The following SV2C variants were observed in gnomAD, a reference collection of about 807,000 sequenced individuals.
SV2C encodes the protein solute carrier family 22 member B3.
A neutral mutation model predicts 79.7 loss-of-function variants in SV2C; 49 were observed. The ratio of observed to expected loss-of-function variants is 0.61; its 90% CI spans 0.49 to 0.78. The LOEUF is 0.78. SV2C is among the 30% of genes least tolerant of loss of function. The probability of loss-of-function intolerance (pLI) is 0.00; values close to 1 mark genes in which losing one functional copy is unlikely to be tolerated. For missense variants in SV2C, 833 were observed against 912.9 expected (o/e 0.91, Z 1.13); for synonymous variants, 334 against 333.2 (o/e 1.00, Z -0.03).
chr5:76,245,928 G>A (rs1279340627), intron 4 of SV2C, among the ~76,000 whole-genome samples: 1 of 140,254 alleles, frequency 7.1e-6, no homozygotes, highest in African/African-American at 3.1e-5. Context: ...GTGTGTGTGT[G>A]TGTGTGTATG....
chr5:76,297,649 CATT>C (rs983679867), intron 9 of SV2C, among the ~76,000 whole-genome samples: 2 of 151,990 alleles, frequency 1.3e-5, no homozygotes, highest in African/African-American at 2.4e-5. Context: ...GAAACGAGAT[CATT>C]ATTATTATTT....
intron 1 of SV2C, among the ~76,000 whole-genome samples, chr5:76,094,454 G>A (rs758874191): frequency 6.0e-4 from 91 of 151,902 alleles, no homozygotes; most frequent in Admixed American, 1.4e-3. Context: ...TTTTAACACC[G>A]TATTTTTGAA....
At chr5:75,934,837 A>C in the SV2C span, among the ~76,000 whole-genome samples, 6 of 151,512 alleles carry the variant, frequency 4.0e-5, no homozygotes, top group Admixed American at 3.9e-4. Flanking sequence ...AGTAGTGAGC[A>C]CATATTGATG....
chr5:75,955,552 A>C, the SV2C span, among the ~76,000 whole-genome samples: 6 of 146,852 alleles, frequency 4.1e-5, no homozygotes, highest in East Asian at 2.0e-4. Flanking sequence ...AATGGGATCT[A>C]ATTAAACTAA....
At chr5:75,848,523 G>A in the SV2C span, among the ~76,000 whole-genome samples, 6 of 152,206 alleles carry the variant, frequency 3.9e-5, no homozygotes, top group Non-Finnish European at 7.3e-5. Context: ...AATTGGTTGC[G>A]AGGAGAATCA....
At chr5:75,856,880 T>C in the SV2C span, among the ~76,000 whole-genome samples, 1 of 152,104 alleles carries the variant, frequency 6.6e-6, no homozygotes, top group Non-Finnish European at 1.5e-5. Flanking sequence ...CAGATCAATG[T>C]CCTGGAGAGG....
Position 76,126,720 on chromosome 5 carries a change from G to A in SV2C, c.-101-4930G>A, listed in dbSNP as rs113802391. Among the ~76,000 whole-genome samples the A allele has an allele frequency of 8.6e-3, 1,304 of 152,094 alleles. 21 individuals carry two copies. The highest frequency in any genetic ancestry group is 0.029 in the African/African-American group (1,191 of 41,466). ...ATCTGCAAGTACTTTAGAAGAGCCC[G>A]AGTCTGCTGGCATGGGGGCTGCCTT... On this transcript the variant is annotated intron_variant, in intron 1 of 12. Transcript: ENST00000502798.
intron 4 of SV2C, 39 bp downstream of exon 4, chr5:76,209,926 A>AT: frequency 6.4e-7 from 1 of 1,574,230 alleles, no homozygotes; most frequent in Non-Finnish European, 8.6e-7. Flanking sequence ...CAGTCACTTC[A>AT]TTTTGCTTCA....
At chr5:76,243,965 C>T (rs1185885213) in intron 4 of SV2C, among the ~76,000 whole-genome samples, 2 of 152,196 alleles carry the variant, frequency 1.3e-5, no homozygotes, top group African/African-American at 4.8e-5. Flanking sequence ...TCTCAAACAT[C>T]CACAGGGACC....
chr5:76,301,632 G>C lies in SV2C; in HGVS notation c.2000+87G>C. Reference sequence around the variant, plus strand: ...ATTTTAAAACAACCCAAACTGGCTGGGCACGGTAGCTTATGCCTGTAATCC... The same window carrying C: ...ATTTTAAAACAACCCAAACTGGCTGCGCACGGTAGCTTATGCCTGTAATCC... On this transcript the variant is annotated intron_variant, in intron 12 of 12. Coordinates refer to ENST00000502798, the MANE Select transcript of SV2C (RefSeq NM_014979.4). 2.7e-6 allele frequency: 4 copies of C among 1,480,790 alleles called. No individual in the cohort carries two copies. The South Asian group carries it at 5.3e-5, about 19-fold the overall frequency. The allele number at this position is 1,480,790 out of a possible 1,614,324, so 91.7% of individuals were successfully genotyped here.
intron 2 of SV2C, among the ~76,000 whole-genome samples, chr5:76,135,442 A>G (rs529132452): frequency 6.6e-6 from 1 of 152,100 alleles, no homozygotes; most frequent in African/African-American, 2.4e-5. Context: ...TGGAGGAGGA[A>G]TCATTAAGGA....
At chr5:76,097,625 T>C (rs138403183) in intron 1 of SV2C, among the ~76,000 whole-genome samples, 34 of 152,344 alleles carry the variant, frequency 2.2e-4, no homozygotes, top group African/African-American at 7.9e-4. Flanking sequence ...TAAATTTATG[T>C]GTAGAGGTAG....
chr5:76,059,178 A>G, the SV2C span, among the ~76,000 whole-genome samples: 973 of 152,248 alleles, frequency 6.4e-3, 4 homozygotes, highest in Non-Finnish European at 9.6e-3. Flanking sequence ...TTTTGTCTCA[A>G]TGTTGATGGC....
chr5:76,305,925 C>T (rs763565241), intron 12 of SV2C, among the ~76,000 whole-genome samples: 3 of 152,146 alleles, frequency 2.0e-5, no homozygotes, highest in Non-Finnish European at 4.4e-5. Context: ...ACATTCCAAC[C>T]CTCTGGACAT....
chr5:76,073,383 G>A, the SV2C span, among the ~76,000 whole-genome samples: 42 of 151,316 alleles, frequency 2.8e-4, no homozygotes, highest in South Asian at 6.1e-3. Context: ...TTGCTTTGTC[G>A]AAGATTAATT....
chr5:75,937,420 G>A, the SV2C span, among the ~76,000 whole-genome samples: 11 of 152,090 alleles, frequency 7.2e-5, no homozygotes, highest in Non-Finnish European at 1.5e-4. Flanking sequence ...ACGAGCCCTG[G>A]CTGGGCACAG....
chr5:75,998,792 A>G, the SV2C span, among the ~76,000 whole-genome samples: 1 of 151,728 alleles, frequency 6.6e-6, no homozygotes, highest in African/African-American at 2.4e-5. Flanking sequence ...CTCATAATAA[A>G]TCTCACTCTC....
intron 12 of SV2C, among the ~76,000 whole-genome samples, chr5:76,348,910 A>G (rs1246982750): frequency 2.0e-5 from 3 of 149,388 alleles, no homozygotes; most frequent in East Asian, 1.9e-4. Flanking sequence ...TGAGGCAGAG[A>G]ACAGCTTGAA....
the SV2C span, chr5:75,911,085 C>A: frequency 1.4e-6 from 2 of 1,390,694 alleles, no homozygotes; most frequent in East Asian, 2.3e-5. Context: ...CCTGATGCAG[C>A]CCGGGGGAAG....
Sources: gnomAD v4.1 joint callset for allele counts (sites outside exome capture counted in the v4.1 genomes callset) on GRCh38, gnomAD v4.1.1 for gene constraint, MANE v1.5 for transcripts, NCBI Gene and HGNC (gene_info 2026-07-23, HGNC 2026-07-21) for gene names.